The following KCNMA1 variants were observed in gnomAD, a reference collection of about 807,000 sequenced individuals.
KCNMA1 encodes potassium calcium-activated channel subfamily M alpha 1, also known as Calcium-activated potassium channel subunit alpha-1.
A neutral mutation model predicts 140.0 loss-of-function variants in KCNMA1; 29 were observed. The observed-to-expected ratio is 0.21, with a 90% CI of 0.15 to 0.28. KCNMA1 has a LOEUF of 0.28. Ranked by LOEUF, KCNMA1 falls within the 10% of genes least tolerant of loss-of-function variation. The pLI is 1.00. For missense variants in KCNMA1, 880 were observed against 1,602.2 expected (o/e 0.55, Z 7.70); for synonymous variants, 612 against 611.9 (o/e 1.00, Z 0.00).
intron 2 of KCNMA1, among the ~76,000 whole-genome samples, chr10:77,288,552 GA>G (rs1228863667): frequency 6.6e-6 from 1 of 152,168 alleles, no homozygotes; most frequent in Non-Finnish European, 1.5e-5. Flanking sequence ...ACCTGTGAAG[GA>G]GGTACTATTA....
Position 76,914,885 on chromosome 10 carries a change from G to A in KCNMA1, c.3016+51C>T, listed in dbSNP as rs372844465. On this transcript the variant is annotated intron_variant, in intron 24 of 27. Transcript: ENST00000286628. The stretch of plus-strand genomic sequence containing the variant: ...AAACCAACCTCCTCATATCCTGTAT[G>A]GTTTGAAAGACAGAACAAAAACTCC... 48 of 1,288,834 alleles carry A rather than the reference G, an allele frequency of 3.7e-5. No individual in the cohort carries two copies. The East Asian group carries it at 7.6e-4, about 21-fold the overall frequency. 79.8% of individuals were successfully genotyped at this position (1,288,834 alleles called of 1,614,324 possible).
intron 1 of KCNMA1, among the ~76,000 whole-genome samples, chr10:77,503,881 G>A (rs1442578721): frequency 6.6e-6 from 1 of 152,164 alleles, no homozygotes; most frequent in Non-Finnish European, 1.5e-5. Context: ...GCCAAACACT[G>A]TGCGACATCT....
chr10:77,520,589 C>T (rs1490553801), intron 1 of KCNMA1, among the ~76,000 whole-genome samples: 1 of 151,998 alleles, frequency 6.6e-6, no homozygotes, highest in Non-Finnish European at 1.5e-5. Flanking sequence ...TCTCATTTGG[C>T]CCCCACACCA....
At chr10:77,365,708 G>T (rs1347808327) in intron 2 of KCNMA1, among the ~76,000 whole-genome samples, 1 of 152,132 alleles carries the variant, frequency 6.6e-6, no homozygotes, top group East Asian at 1.9e-4. Flanking sequence ...ACCTTGGTGT[G>T]TGAACTTGCC....
At chr10:77,552,301 T>C (rs2063049503) in intron 1 of KCNMA1, among the ~76,000 whole-genome samples, 1 of 152,180 alleles carries the variant, frequency 6.6e-6, no homozygotes. Context: ...AGGATGCCTG[T>C]CTGGTTTGAA....
chr10:77,258,134 G>A (rs1282150175), intron 2 of KCNMA1, among the ~76,000 whole-genome samples: 1 of 152,192 alleles, frequency 6.6e-6, no homozygotes, highest in Non-Finnish European at 1.5e-5. Context: ...TGAAACAGAT[G>A]ATTATGAGAT....
chr10:76,988,161 T>C (rs2081799551), intron 19 of KCNMA1, among the ~76,000 whole-genome samples: 1 of 152,192 alleles, frequency 6.6e-6, no homozygotes, highest in African/African-American at 2.4e-5. Flanking sequence ...ATATTGATAC[T>C]CATTCCACTC....
intron 27 of KCNMA1, chr10:76,887,725 C>T (rs2037803957): frequency 5.0e-6 from 3 of 600,348 alleles, no homozygotes; most frequent in Admixed American, 5.7e-5. Context: ...AGCCAGGAGC[C>T]CAGGCAGAGA....
At chr10:77,089,442 T>C (rs1006712202) in intron 10 of KCNMA1, among the ~76,000 whole-genome samples, 1 of 152,152 alleles carries the variant, frequency 6.6e-6, no homozygotes, top group Non-Finnish European at 1.5e-5. Context: ...CATGTCACCA[T>C]AATGGAGCCC....
At chr10:77,247,460 C>A (rs1297736712) in intron 3 of KCNMA1, among the ~76,000 whole-genome samples, 1 of 152,142 alleles carries the variant, frequency 6.6e-6, no homozygotes, top group Non-Finnish European at 1.5e-5. Flanking sequence ...GCAATGGTGA[C>A]ATTAGCACCC....
chr10:77,130,869 A>C (rs971620978), intron 5 of KCNMA1, among the ~76,000 whole-genome samples: 1 of 152,194 alleles, frequency 6.6e-6, no homozygotes, highest in Admixed American at 6.5e-5. Flanking sequence ...ATGAGAAAGA[A>C]AGACATATAC....
At chr10:77,174,332 C>A (rs2098734541) in intron 5 of KCNMA1, among the ~76,000 whole-genome samples, 1 of 152,134 alleles carries the variant, frequency 6.6e-6, no homozygotes, top group South Asian at 2.1e-4. Context: ...AAAATCACTT[C>A]AAAAAACATT....
At chr10:77,148,523 T>C (rs2098355271) in intron 5 of KCNMA1, among the ~76,000 whole-genome samples, 1 of 128,290 alleles carries the variant, frequency 7.8e-6, no homozygotes, top group South Asian at 3.0e-4. Context: ...GAAAATGAAG[T>C]ACTTGTTTTG....
rs184544097 is a variant in KCNMA1, at chr10:77,543,769, T to C, written c.378+93496A>G. Among the ~76,000 whole-genome samples, 11 of 152,322 alleles carry C rather than the reference T, an allele frequency of 7.2e-5. No individual in the cohort carries two copies. The East Asian group carries it at 1.2e-3, about 16-fold the overall frequency. ...CTAAACAACTCAGGGACTTGTTAGA[T>C]ATTATCAGCCTTAACAATGTAAAAA... On this transcript the variant is annotated intron_variant, in intron 1 of 27. Coordinates refer to ENST00000286628, the MANE Select transcript of KCNMA1 (RefSeq NM_001161352.2).
chr10:77,610,439 C>T (rs777361213), intron 1 of KCNMA1, among the ~76,000 whole-genome samples: 1 of 152,264 alleles, frequency 6.6e-6, no homozygotes, highest in Non-Finnish European at 1.5e-5. Context: ...CAGCCTCGGG[C>T]TGCCCCAAAA....
intron 2 of KCNMA1, among the ~76,000 whole-genome samples, chr10:77,353,089 A>C (rs1188555045): frequency 6.6e-6 from 1 of 152,214 alleles, no homozygotes; most frequent in Non-Finnish European, 1.5e-5. Flanking sequence ...TAATGGGACA[A>C]TCAGGATATT....
intron 1 of KCNMA1, among the ~76,000 whole-genome samples, chr10:77,411,064 G>A (rs1021556166): frequency 3.3e-5 from 5 of 152,170 alleles, no homozygotes; most frequent in East Asian, 1.9e-4. Flanking sequence ...GTGCAGTGGC[G>A]TGATCTCGGC....
At chr10:77,463,216 G>C (rs746609056) in intron 1 of KCNMA1, among the ~76,000 whole-genome samples, 73 of 152,114 alleles carry the variant, frequency 4.8e-4, no homozygotes, top group Non-Finnish European at 1.0e-3. Context: ...AGAGCCTCCT[G>C]GCCCTGCGTA....
intron 1 of KCNMA1, among the ~76,000 whole-genome samples, chr10:77,564,963 C>G (rs2067670630): frequency 6.6e-6 from 1 of 152,174 alleles, no homozygotes. Flanking sequence ...GGATATGCAG[C>G]AGGGGGTGAA....
Sources: allele counts gnomAD v4.1 joint callset (sites outside exome capture counted in the v4.1 genomes callset), GRCh38; gene constraint gnomAD v4.1.1; transcripts MANE v1.5; gene names NCBI Gene and HGNC (gene_info 2026-07-23, HGNC 2026-07-21).